RFNG: variants seen among roughly 807,000 people sequenced by gnomAD.
The protein encoded by RFNG is RFNG O-fucosylpeptide 3-beta-N-acetylglucosaminyltransferase, also known as beta-1,3-N-acetylglucosaminyltransferase radical fringe.
RFNG carries 37 observed loss-of-function variants against 29.6 expected under a neutral mutation model. The observed-to-expected ratio is 1.25, with a 90% CI of 0.96 to 1.65. RFNG has a LOEUF of 1.65. RFNG is among the 40% of genes most tolerant of loss of function. The pLI, the probability that RFNG is intolerant of heterozygous loss-of-function variation, is 0.00. For synonymous variants in RFNG, 276 were observed against 197.3 expected (o/e 1.40, Z -3.34); for missense variants, 546 against 457.0 (o/e 1.19, Z -1.78).
At position 82,050,563 on chromosome 17, in the gene RFNG, C is replaced by T. The variant is rs748271436; in HGVS notation, c.420-8G>A. ...TCCACGTGGCAAAACCACCTGTGGG[C>T]GAGGGGAGTCCTGGGCACGAGGGCC... On this transcript the variant is annotated splice_region_variant and splice_polypyrimidine_tract_variant and intron_variant, in intron 3 of 7. Transcript: ENST00000310496. The T allele has an allele frequency of 1.6e-5, 25 of 1,609,336 alleles. No individual in the cohort carries two copies. In the African/African-American group the frequency reaches 1.7e-4, roughly 11 times the overall value.
In RFNG at chr17:82,048,430, G is replaced by T. The variant is rs2030059857; in HGVS notation, c.*296C>A. ...CGGATGGCAGCTCCCTCCCAGGTGC[G>T]CAAGTGCTGGGGTGGAAGCCTGTTC... is the stretch of plus-strand genomic sequence containing the variant. On this transcript the variant is annotated 3_prime_UTR_variant, in exon 8 of 8. Coordinates refer to ENST00000310496, the MANE Select transcript of RFNG (RefSeq NM_002917.2). 2 of 431,888 alleles carry T rather than the reference G, an allele frequency of 4.6e-6. No homozygotes were observed. The highest frequency in any genetic ancestry group is 4.3e-6 in the Non-Finnish European group (1 of 233,254). The allele number at this position is 431,888 out of a possible 1,614,324, so 26.8% of individuals were successfully genotyped here.
Position 82,051,349 on chromosome 17 carries a change from G to C in RFNG, c.268-7C>G, listed in dbSNP as rs763681402. 6.8e-7 allele frequency: 1 copy of C among 1,468,312 alleles called. No individual in the cohort carries two copies. 91.0% of individuals were successfully genotyped at this position (1,468,312 alleles called of 1,614,324 possible). A position where few individuals can be genotyped will look rare whatever the true frequency, so the allele number is the denominator to read the frequency against. The stretch of plus-strand genomic sequence containing the variant: ...CGTCGGTGAAGATAAACGTCTGGGG[G>C]AGAAACAATCTATGAGGCTTCTGGG... On this transcript the variant is annotated splice_polypyrimidine_tract_variant and splice_region_variant and intron_variant, in intron 1 of 7. Transcript: ENST00000310496. The surrounding 1 kb of genome is among the most constrained non-coding windows in gnomAD (Gnocchi z 4.1).
At chr17:82,050,319 C>T in intron 4 of RFNG, 83 bp downstream of exon 4, 2 of 1,461,576 alleles carry the variant, frequency 1.4e-6, no homozygotes, top group Non-Finnish European at 9.1e-7. Context: ...CTTCTCAAGC[C>T]AGCTTTCCAC....
In RFNG at chr17:82,051,146, C is replaced by T. The variant is rs1015730311; in HGVS notation, c.316+148G>A. 4 of 1,312,746 alleles carry T rather than the reference C, an allele frequency of 3.0e-6. No homozygotes were observed. The highest frequency in any genetic ancestry group is 1.5e-5 in the African/African-American group (1 of 65,306). The allele number at this position is 1,312,746 out of a possible 1,614,324, so 81.3% of individuals were successfully genotyped here. On this transcript the variant is annotated intron_variant, in intron 2 of 7. Coordinates refer to ENST00000310496, the MANE Select transcript of RFNG (RefSeq NM_002917.2). The surrounding 1 kb of genome is among the most constrained non-coding windows in gnomAD (Gnocchi z 4.1). ...CTGGCAGGGTGGGCCCTCCGCAGGC[C>T]GCGTGACCTGGGCAGCGTCGGGGCC...
At chr17:82,050,095 T>C in intron 4 of RFNG, 89 bp from the exon 5 acceptor site, 1 of 1,194,698 alleles carries the variant, frequency 8.4e-7, no homozygotes, top group East Asian at 2.5e-5. Context: ...TTTCTTAAGC[T>C]GCCCCTTAGG....
Position 82,050,398 on chromosome 17 carries a change from T to G in RFNG, c.573+4A>C. On this transcript the variant is annotated splice_donor_region_variant and intron_variant, in intron 4 of 7. Coordinates refer to ENST00000310496, the MANE Select transcript of RFNG (RefSeq NM_002917.2). ...GCTCCGATGGCGTCTGCTCCGACAC[T>G]CACAGTTCTGCCACCCTGGACCCTC... 6.4e-7 allele frequency: 1 copy of G among 1,569,044 alleles called. No homozygotes were observed.
At position 82,049,936 on chromosome 17, in the gene RFNG, T is replaced by A; in HGVS notation, c.644A>T (p.Lys215Met). The change falls in exon 5 of 8, where the codon AAG (lysine) becomes ATG (methionine). Residue 215 changes from lysine to methionine, a missense_variant. Transcript: ENST00000310496. ...GFCLSRGLAL[K>M]MSPWASLGSF... ...CACTCACCTGGCCCATGGGCTCATCTTGAGGGCAAGGCCTCTGCTGAGGCA... is the reference window on the plus strand; with the variant it reads ...CACTCACCTGGCCCATGGGCTCATCATGAGGGCAAGGCCTCTGCTGAGGCA... 6.2e-7 allele frequency: 1 copy of A among 1,612,476 alleles called. No homozygotes were observed. Among genetic ancestry groups the A allele is most frequent in the Non-Finnish European group, 8.5e-7 (1 of 1,179,736 alleles).
Position 82,049,039 on chromosome 17 carries a change from G to T in RFNG, c.906C>A (p.Asp302Glu), listed in dbSNP as rs145447246. 1 of 1,613,342 alleles carries T rather than the reference G, an allele frequency of 6.2e-7. No homozygotes were observed. Among genetic ancestry groups the T allele is most frequent in the Admixed American group, 1.7e-5 (1 of 60,024 alleles). ...NVAGGFSLHQ[D>E]PTRFKSIHCL... ...TGCCACTACCTACTCACCGTGTGGG[G>T]TCTTGATGCAGGCTGAAGCCTCCAG... Residue 302 changes from aspartate (D) to glutamate (E), a missense_variant, in exon 7 of 8, where the codon GAC (aspartate) becomes GAA (glutamate). Coordinates refer to ENST00000310496, the MANE Select transcript of RFNG (RefSeq NM_002917.2).
Position 82,048,887 on chromosome 17 carries a change from T to A in RFNG, c.915-80A>T, listed in dbSNP as rs1263007356. The A allele has an allele frequency of 2.8e-6, 4 of 1,434,144 alleles. No homozygotes were observed. In the South Asian group the frequency reaches 3.4e-5, roughly 12 times the overall value. 88.8% of individuals were successfully genotyped at this position (1,434,144 alleles called of 1,614,324 possible). The stretch of plus-strand genomic sequence containing the variant: ...CAGGGCCGTGGGCGGCGGGAGAACC[T>A]GGGGTCAGGGCCGTGGGTACAGGGA... On this transcript the variant is annotated intron_variant, in intron 7 of 7. Coordinates refer to ENST00000310496, the MANE Select transcript of RFNG (RefSeq NM_002917.2).
At position 82,051,577 on chromosome 17, in the gene RFNG, C is replaced by T. The variant is rs2030596593; in HGVS notation, c.190G>A (p.Val64Ile). The stretch of plus-strand genomic sequence containing the variant: ...CCGTGGTTCTTCCGGGTGGTCTTGA[C>T]GGCGATGAAGACGTCGTCAGGCCGC... ...SLRPDDVFIA[V>I]KTTRKNHGPR... is the part of the protein sequence containing the mutation. The change falls in exon 1 of 8, where the codon GTC (valine) becomes ATC (isoleucine). Residue 64 changes from valine to isoleucine, a missense_variant. Transcript: ENST00000310496. The surrounding 1 kb of genome is among the most constrained non-coding windows in gnomAD (Gnocchi z 4.1). 6 of 1,351,870 alleles carry T rather than the reference C, an allele frequency of 4.4e-6. No individual in the cohort carries two copies. The highest frequency in any genetic ancestry group is 3.4e-5 in the South Asian group (2 of 59,134). 83.7% of individuals were successfully genotyped at this position (1,351,870 alleles called of 1,614,324 possible).
In RFNG at chr17:82,051,163, G is replaced by A. The variant is rs1415150119; in HGVS notation, c.316+131C>T. 3.1e-6 allele frequency: 4 copies of A among 1,305,506 alleles called. No individual in the cohort carries two copies. Among genetic ancestry groups the A allele is most frequent in the African/African-American group, 1.5e-5 (1 of 64,814 alleles). The allele number at this position is 1,305,506 out of a possible 1,614,324, so 80.9% of individuals were successfully genotyped here. On this transcript the variant is annotated intron_variant, in intron 2 of 7. Transcript: ENST00000310496. The surrounding 1 kb of genome is among the most constrained non-coding windows in gnomAD (Gnocchi z 4.1). Reference sequence around the variant, plus strand: ...CCGCAGGCCGCGTGACCTGGGCAGCGTCGGGGCCTCCCCGGGCCTCGGGAG... The same window carrying A: ...CCGCAGGCCGCGTGACCTGGGCAGCATCGGGGCCTCCCCGGGCCTCGGGAG...
At position 82,051,056 on chromosome 17, in the gene RFNG, C is replaced by T. The variant is rs1319992585; in HGVS notation, c.316+238G>A. On this transcript the variant is annotated intron_variant, in intron 2 of 7. Coordinates refer to ENST00000310496, the MANE Select transcript of RFNG (RefSeq NM_002917.2). The surrounding 1 kb of genome is among the most constrained non-coding windows in gnomAD (Gnocchi z 4.1). ...TCCCTGCTGGCGCTTCTTCAGGGGA[C>T]GTGGCACTAGCCCCACGCCCCGGGA... 7.2e-7 allele frequency: 1 copy of T among 1,382,468 alleles called. No individual in the cohort carries two copies. The highest frequency in any genetic ancestry group is 9.3e-7 in the Non-Finnish European group (1 of 1,073,666). 85.6% of individuals were successfully genotyped at this position (1,382,468 alleles called of 1,614,324 possible). A position where few individuals can be genotyped will look rare whatever the true frequency, so the allele number is the denominator to read the frequency against.
intron 5 of RFNG, 22 bp from the exon 6 acceptor site, chr17:82,049,864 C>A (rs763972516): frequency 6.2e-7 from 1 of 1,611,248 alleles, no homozygotes; most frequent in Non-Finnish European, 8.5e-7. Context: ...CCGGTCAGCA[C>A]CTTTCAGGTC....
Position 82,048,474 on chromosome 17 carries a change from G to A in RFNG, c.*252C>T. The A allele has an allele frequency of 1.9e-6, 1 of 539,584 alleles. No individual in the cohort carries two copies. 33.4% of individuals were successfully genotyped at this position (539,584 alleles called of 1,614,324 possible). A position where few individuals can be genotyped will look rare whatever the true frequency, so the allele number is the denominator to read the frequency against. On this transcript the variant is annotated 3_prime_UTR_variant, in exon 8 of 8. Transcript: ENST00000310496. ...CCTGTTCCCGTGGGATCAACCTTGG[G>A]GCTGGGTCGGGGGGAGGGGCACTGC...
rs202206613 is a variant in RFNG, at chr17:82,050,518, C to A, written c.457G>T (p.Ala153Ser). 1 of 1,612,826 alleles carries A rather than the reference C, an allele frequency of 6.2e-7. No homozygotes were observed. Among genetic ancestry groups the A allele is most frequent in the Non-Finnish European group, 8.5e-7 (1 of 1,179,720 alleles). The change falls in exon 4 of 8, where the codon GCC becomes TCC. Residue 153 changes from alanine (A) to serine (S), a missense_variant. By Grantham distance (99) the Ala-to-Ser change is moderately conservative. Transcript: ENST00000310496. ...GAGAGCAGGTGCAGGAGGCTCCTGG[C>A]GTTCACATAATTGTCATCATCCACG... ...CHVDDDNYVN[A>S]RSLLHLLSSF...
intron 7 of RFNG, 51 bp downstream of exon 7, chr17:82,048,980 T>C (rs769116581): frequency 1.3e-6 from 2 of 1,568,858 alleles, no homozygotes; most frequent in African/African-American, 1.6e-5. Flanking sequence ...AGGGAGCTGA[T>C]GCCAGAGCCC....
In RFNG at chr17:82,049,738, G is replaced by A. The variant is rs1339173511; in HGVS notation, c.767C>T (p.Pro256Leu). 2.0e-6 allele frequency: 3 copies of A among 1,518,134 alleles called. No individual in the cohort carries two copies. The highest frequency in any genetic ancestry group is 8.8e-7 in the Non-Finnish European group (1 of 1,136,456). The allele number at this position is 1,518,134 out of a possible 1,614,324, so 94.0% of individuals were successfully genotyped here. The change falls in exon 6 of 8, where the codon CCC becomes CTC. Residue 256 changes from proline (P) to leucine (L), a missense_variant. Physicochemically the swap from Pro to Leu is moderately conservative, Grantham distance 98. Coordinates refer to ENST00000310496, the MANE Select transcript of RFNG (RefSeq NM_002917.2). ...GLLGARLLHS[P>L]LFHSHLENLQ... ...GTTCTCCAGGTGAGAGTGGAAGAGG[G>A]GGCTGTGCAGCAGGCGGGCGCCCAG...
In RFNG at chr17:82,051,627, G is replaced by T; in HGVS notation, c.140C>A (p.Pro47Gln). The change falls in exon 1 of 8, where the codon CCG becomes CAG. Residue 47 changes from proline (P) to glutamine (Q), a missense_variant. Pro to Gln is a moderately conservative substitution (Grantham distance 76, BLOSUM62 -1). Coordinates refer to ENST00000310496, the MANE Select transcript of RFNG (RefSeq NM_002917.2). The surrounding 1 kb of genome is among the most constrained non-coding windows in gnomAD (Gnocchi z 4.1). Reference sequence around the variant, plus strand: ...CAGGCTGGGGGCAGCGGGCCGGGACGGGGGCGCGCGCGGGGCCGGGGCGGG... The same window carrying T: ...CAGGCTGGGGGCAGCGGGCCGGGACTGGGGCGCGCGCGGGGCCGGGGCGGG... ...RTPAPAPRAP[P>Q]SRPAAPSLRP... 3 of 1,160,634 alleles carry T rather than the reference G, an allele frequency of 2.6e-6. No homozygotes were observed. Among genetic ancestry groups the T allele is most frequent in the Non-Finnish European group, 3.2e-6 (3 of 942,610 alleles). 71.9% of individuals were successfully genotyped at this position (1,160,634 alleles called of 1,614,324 possible).
rs1343617284 is a variant in RFNG, at chr17:82,051,028, G to A, written c.317-264C>T. 9.3e-6 allele frequency: 13 copies of A among 1,395,870 alleles called. No homozygotes were observed. Among genetic ancestry groups the A allele is most frequent in the Non-Finnish European group, 1.2e-5 (13 of 1,080,192 alleles). 86.5% of individuals were successfully genotyped at this position (1,395,870 alleles called of 1,614,324 possible). A position where few individuals can be genotyped will look rare whatever the true frequency, so the allele number is the denominator to read the frequency against. ...CGCCCTGACCTGGCCTGGAAGGGCG[G>A]ATTCCCTGCTGGCGCTTCTTCAGGG... On this transcript the variant is annotated intron_variant, in intron 2 of 7. Transcript: ENST00000310496. This position sits in a 1 kb window ranked among gnomAD's most constrained non-coding sequence, Gnocchi z 4.1.
Sources: gnomAD v4.1 joint callset for allele counts on GRCh38, gnomAD v4.1.1 for gene constraint, Gnocchi (gnomAD v3.1) non-coding constraint, MANE v1.5 for transcripts, NCBI Gene and HGNC (gene_info 2026-07-23, HGNC 2026-07-21) for gene names.